Variants in ADAMTS19 observed in about 807,000 individuals in gnomAD.
The protein encoded by ADAMTS19 is A disintegrin and metalloproteinase with thrombospondin motifs 19.
A neutral mutation model predicts 153.3 loss-of-function variants in ADAMTS19; 93 were observed. The observed-to-expected ratio is 0.61, with a 90% CI of 0.51 to 0.72. The LOEUF (loss-of-function observed/expected upper bound fraction) is 0.72, where lower values mean the gene tolerates loss of function less well. ADAMTS19 is among the 30% of genes least tolerant of loss of function. The pLI, the probability that ADAMTS19 is intolerant of heterozygous loss-of-function variation, is 0.00. For missense variants in ADAMTS19, 1,482 were observed against 1,552.1 expected, an observed-to-expected ratio of 0.95 and a Z score of 0.76; for synonymous variants, 600 against 556.6, an observed-to-expected ratio of 1.08 and a Z score of -1.10.
At chr5:129,557,382 C>T (rs889841747) in intron 7 of ADAMTS19, among the ~76,000 whole-genome samples, 2 of 151,874 alleles carry the variant, frequency 1.3e-5, no homozygotes, top group African/African-American at 2.4e-5. Context: ...CAGATTGCTT[C>T]AGGCCAGGAG....
chr5:129,482,519 C>T (rs983313208), intron 2 of ADAMTS19, among the ~76,000 whole-genome samples: 2 of 152,026 alleles, frequency 1.3e-5, no homozygotes, highest in African/African-American at 4.8e-5. Flanking sequence ...TTCTTAATTC[C>T]CAAATTAATT....
At chr5:129,609,481 T>TAAGA (rs1751093174) in intron 8 of ADAMTS19, among the ~76,000 whole-genome samples, 2 of 152,202 alleles carry the variant, frequency 1.3e-5, no homozygotes, top group Non-Finnish European at 2.9e-5. Flanking sequence ...TCACTGGCCT[T>TAAGA]TCATTTTTCT....
rs900880966 is a variant in ADAMTS19 at position 129,652,093 on chromosome 5, A to T, written c.2177-2213A>T. On this transcript the variant is annotated intron_variant, in intron 13 of 22. Transcript: ENST00000274487. ...ACTAAAGCTGTTAGAAATCACAATT[A>T]AAGGAACTTCTGACTCTTACAAAGT... Among the ~76,000 whole-genome samples the T allele has an allele frequency of 6.2e-4, 95 of 152,198 alleles. 5 individuals are homozygous for T. Among genetic ancestry groups the T allele is most frequent in the Non-Finnish European group, 1.6e-4 (11 of 68,024 alleles).
chr5:129,577,860 C>T (rs1250138886), intron 7 of ADAMTS19, among the ~76,000 whole-genome samples: 1 of 151,716 alleles, frequency 6.6e-6, no homozygotes, highest in Admixed American at 6.6e-5. Context: ...TTGTATTTAT[C>T]TCTCTTTTAT....
intron 8 of ADAMTS19, among the ~76,000 whole-genome samples, chr5:129,598,967 T>C (rs1750515367): frequency 6.6e-6 from 1 of 151,998 alleles, no homozygotes; most frequent in South Asian, 2.1e-4. Flanking sequence ...AAATTGCCTG[T>C]AAGTGGACCT....
At chr5:129,626,814 T>C (rs1752071961) in intron 10 of ADAMTS19, among the ~76,000 whole-genome samples, 1 of 152,186 alleles carries the variant, frequency 6.6e-6, no homozygotes, top group African/African-American at 2.4e-5. Context: ...CAAATGCATA[T>C]CTAATATGTT....
chr5:129,682,285 T>C (rs970015235), intron 17 of ADAMTS19, among the ~76,000 whole-genome samples: 1 of 152,228 alleles, frequency 6.6e-6, no homozygotes, highest in African/African-American at 2.4e-5. Flanking sequence ...CTATTACAGA[T>C]TGAAGGACTG....
intron 6 of ADAMTS19, among the ~76,000 whole-genome samples, chr5:129,541,878 C>T (rs944191511): frequency 3.9e-5 from 6 of 151,996 alleles, no homozygotes; most frequent in African/African-American, 1.2e-4. Context: ...TACCACCAGG[C>T]GTGATGTTCT....
rs141672010 is a variant in ADAMTS19, at chr5:129,595,433, T to C, written c.1373-1126T>C. On this transcript the variant is annotated intron_variant, in intron 7 of 22. Transcript: ENST00000274487. Reference sequence around the variant, plus strand: ...GCCACACATGGGCAAGGTGATTCTTTTAAAATTTTATTAAAATAATTTATT... The same window carrying C: ...GCCACACATGGGCAAGGTGATTCTTCTAAAATTTTATTAAAATAATTTATT... 1.1e-3 allele frequency among the ~76,000 whole-genome samples: 174 copies of C among 152,248 alleles called. 2 individuals carry two copies. The highest frequency in any genetic ancestry group is 2.2e-3 in the Admixed American group (34 of 15,308).
intron 22 of ADAMTS19, 28 bp from the exon 23 acceptor site, chr5:129,737,039 A>T (rs1251215551): frequency 1.3e-6 from 2 of 1,554,960 alleles, no homozygotes; most frequent in Admixed American, 3.6e-5. Context: ...ATCTGCATGG[A>T]GTGAATTCAC....
chr5:129,684,101 T>A lies in ADAMTS19; in HGVS notation c.2665-19T>A, dbSNP rs1264942567. Reference sequence around the variant, plus strand: ...CTCTAGTTTGACCCATCTGCCTTGATCATTTTTGTATACTATAGGTGCTCC... The same window carrying A: ...CTCTAGTTTGACCCATCTGCCTTGAACATTTTTGTATACTATAGGTGCTCC... On this transcript the variant is annotated intron_variant, in intron 17 of 22. Transcript: ENST00000274487. 4 of 1,603,968 alleles carry A rather than the reference T, an allele frequency of 2.5e-6. No individual in the cohort carries two copies. In the African/African-American group the frequency reaches 5.4e-5, roughly 22 times the overall value.
intron 7 of ADAMTS19, among the ~76,000 whole-genome samples, chr5:129,575,281 C>T (rs1754060462): frequency 6.6e-6 from 1 of 151,986 alleles, no homozygotes; most frequent in African/African-American, 2.4e-5. Context: ...ACTAAAAAAG[C>T]AATTTATACA....
chr5:129,607,010 T>G (rs534649367), intron 8 of ADAMTS19, among the ~76,000 whole-genome samples: 1 of 152,236 alleles, frequency 6.6e-6, no homozygotes, highest in Non-Finnish European at 1.5e-5. Context: ...CTCCATCTCC[T>G]GGGTTCAAGC....
At chr5:129,595,008 A>G in intron 7 of ADAMTS19, among the ~76,000 whole-genome samples, 1 of 152,046 alleles carries the variant, frequency 6.6e-6, no homozygotes, top group Non-Finnish European at 1.5e-5. Flanking sequence ...TATAAAATCT[A>G]TTTTAATTTG....
intron 7 of ADAMTS19, among the ~76,000 whole-genome samples, chr5:129,561,498 C>T (rs1753513305): frequency 6.7e-6 from 1 of 149,752 alleles, no homozygotes. Context: ...CACTGCAGTC[C>T]GCAGTCTGGC....
chr5:129,509,388 G>T, intron 3 of ADAMTS19, 146 bp downstream of exon 3: 2 of 811,402 alleles, frequency 2.5e-6, no homozygotes, highest in East Asian at 2.8e-5. Context: ...TCAATTATAG[G>T]ATTATCTTTT....
intron 6 of ADAMTS19, among the ~76,000 whole-genome samples, chr5:129,549,223 A>T (rs1321241829): frequency 6.6e-6 from 1 of 150,722 alleles, no homozygotes; most frequent in Non-Finnish European, 1.5e-5. Flanking sequence ...AAAGAAATAT[A>T]ACTTGGTAAA....
At chr5:129,593,645 A>G (rs1382192823) in intron 7 of ADAMTS19, among the ~76,000 whole-genome samples, 2 of 152,180 alleles carry the variant, frequency 1.3e-5, no homozygotes, top group Admixed American at 6.5e-5. Flanking sequence ...TTCACTTTCA[A>G]CTTCACTGAC....
At chr5:129,554,605 AG>A (rs1349672892) in intron 7 of ADAMTS19, among the ~76,000 whole-genome samples, 1 of 152,116 alleles carries the variant, frequency 6.6e-6, no homozygotes, top group Non-Finnish European at 1.5e-5. Flanking sequence ...CAGAATGAAG[AG>A]ATGGAAGGTT....
Sources: gnomAD v4.1 joint callset for allele counts (sites outside exome capture counted in the v4.1 genomes callset) on GRCh38, gnomAD v4.1.1 for gene constraint, MANE v1.5 for transcripts, NCBI Gene and HGNC (gene_info 2026-07-23, HGNC 2026-07-21) for gene names.